The following LOC128462377 variants were observed in gnomAD, a reference collection of about 807,000 sequenced individuals.
At chr16:89,323,399 C>CAGCCCAGGGCAGGGGGGCTG in the LOC128462377 span, 120 of 1,180,524 alleles carry the variant, frequency 1.0e-4, no homozygotes, top group African/African-American at 1.8e-3. Flanking sequence ...GGAGAGCAAG[C>CAGCCCAGGGCAGGGGGGCTG]AGCCCAGGGC....
chr16:89,384,605 C>T, the LOC128462377 span, among the ~76,000 whole-genome samples: 3 of 152,120 alleles, frequency 2.0e-5, no homozygotes, highest in African/African-American at 7.2e-5. Context: ...CAGAGCAGGG[C>T]AGCTTCTGCA....
the LOC128462377 span, among the ~76,000 whole-genome samples, chr16:89,375,550 C>T: frequency 1.9e-3 from 282 of 152,212 alleles, 1 homozygote; most frequent in South Asian, 8.9e-3. Context: ...ACCTCTGCCT[C>T]CCAGGCCCAA....
chr16:89,348,987 G>GAGTA, the LOC128462377 span, among the ~76,000 whole-genome samples: 21 of 151,028 alleles, frequency 1.4e-4, no homozygotes, highest in Non-Finnish European at 2.7e-4. Context: ...AACTAGCCAG[G>GAGTA]AGTAGTAGAG....
At chr16:89,322,849 G>C in the LOC128462377 span, among the ~76,000 whole-genome samples, 1 of 146,602 alleles carries the variant, frequency 6.8e-6, no homozygotes, top group Admixed American at 6.7e-5. Flanking sequence ...GAGTTCTTTT[G>C]TTTGTTTGTT....
At chr16:89,326,269 C>A in the LOC128462377 span, among the ~76,000 whole-genome samples, 1 of 152,114 alleles carries the variant, frequency 6.6e-6, no homozygotes, top group South Asian at 2.1e-4. Flanking sequence ...CGGAAGTGAC[C>A]AGCAGAGAGA....
the LOC128462377 span, among the ~76,000 whole-genome samples, chr16:89,338,997 C>T: frequency 5.3e-5 from 8 of 152,212 alleles, no homozygotes; most frequent in Admixed American, 2.0e-4. Flanking sequence ...GAGGGCCTCA[C>T]TGGACTTAGG....
the LOC128462377 span, among the ~76,000 whole-genome samples, chr16:89,376,495 T>C: frequency 6.6e-6 from 1 of 152,210 alleles, no homozygotes. Context: ...TGGAGTGCAG[T>C]GGCATGATCT....
the LOC128462377 span, among the ~76,000 whole-genome samples, chr16:89,388,501 G>C: frequency 6.6e-6 from 1 of 151,956 alleles, no homozygotes; most frequent in Non-Finnish European, 1.5e-5. Flanking sequence ...GCGTTTCCCT[G>C]TGGTGCTGTC....
chr16:89,362,390 G>A, the LOC128462377 span, among the ~76,000 whole-genome samples: 2 of 152,186 alleles, frequency 1.3e-5, no homozygotes, highest in Non-Finnish European at 2.9e-5. Context: ...GAGCTGGAGA[G>A]AGTGCACGAA....
chr16:89,324,789 C>T, the LOC128462377 span: 1 of 290,676 alleles, frequency 3.4e-6, no homozygotes, highest in East Asian at 1.1e-4. Context: ...GCGCTGTTGG[C>T]TTCCCGACTT....
the LOC128462377 span, among the ~76,000 whole-genome samples, chr16:89,320,699 T>C: frequency 2.6e-5 from 4 of 152,112 alleles, no homozygotes; most frequent in African/African-American, 9.7e-5. Context: ...CTCAGGGAAC[T>C]TGCCCATTAC....
chr16:89,340,300 C>T, the LOC128462377 span, among the ~76,000 whole-genome samples: 2 of 152,326 alleles, frequency 1.3e-5, no homozygotes, highest in South Asian at 2.1e-4. Flanking sequence ...GTTTTTGAGA[C>T]GGAGTCTCGC....
chr16:89,348,999 G>A, the LOC128462377 span, among the ~76,000 whole-genome samples: 15 of 151,096 alleles, frequency 9.9e-5, no homozygotes, highest in African/African-American at 4.9e-5. Flanking sequence ...GTAGTAGAGC[G>A]CACTTGTAAT....
chr16:89,378,591 C>T, the LOC128462377 span, among the ~76,000 whole-genome samples: 1 of 152,296 alleles, frequency 6.6e-6, no homozygotes, highest in South Asian at 2.1e-4. Context: ...TGAGAACACA[C>T]AACTGGCCAG....
At chr16:89,399,446 A>T in the LOC128462377 span, among the ~76,000 whole-genome samples, 6 of 152,204 alleles carry the variant, frequency 3.9e-5, no homozygotes, top group African/African-American at 1.2e-4. Context: ...TCTGACATCC[A>T]GGAAAGGGCA....
chr16:89,373,449 A>C, the LOC128462377 span: 1 of 152,304 alleles, frequency 6.6e-6, no homozygotes, highest in Non-Finnish European at 1.5e-5. Context: ...CCACGCCAGC[A>C]CCGCCGTCCA....
the LOC128462377 span, among the ~76,000 whole-genome samples, chr16:89,395,105 C>G: frequency 6.6e-6 from 1 of 152,194 alleles, no homozygotes; most frequent in Non-Finnish European, 1.5e-5. Context: ...GGCTGAAGCA[C>G]AGGACAAGAT....
chr16:89,407,688 G>C, the LOC128462377 span, among the ~76,000 whole-genome samples: 17 of 150,514 alleles, frequency 1.1e-4, no homozygotes, highest in South Asian at 1.1e-3. Context: ...CACACACATA[G>C]ACACACACAG....
the LOC128462377 span, among the ~76,000 whole-genome samples, chr16:89,415,187 C>A: frequency 6.6e-6 from 1 of 151,482 alleles, no homozygotes; most frequent in South Asian, 2.1e-4. Flanking sequence ...CTCCTGAGCT[C>A]AAGTGATCTA....
Sources: gnomAD v4.1 joint callset for allele counts (sites outside exome capture counted in the v4.1 genomes callset) on GRCh38, gnomAD v4.1.1 for gene constraint, MANE v1.5 for transcripts.